Variants in GRIN2A observed in about 807,000 individuals in gnomAD.
The protein encoded by GRIN2A is glutamate ionotropic receptor NMDA type subunit 2A, also known as glutamate receptor ionotropic, NMDA 2A.
In GRIN2A, 22 loss-of-function variants were observed where a neutral mutation model predicts 113.4. The ratio of observed to expected loss-of-function variants is 0.19; its 90% confidence interval spans 0.14 to 0.28. The LOEUF is 0.28. GRIN2A is among the 10% of genes least tolerant of loss of function. The pLI, the probability that GRIN2A is intolerant of heterozygous loss-of-function variation, is 1.00. For synonymous variants in GRIN2A, 827 were observed against 738.4 expected, an observed-to-expected ratio of 1.12 and a Z score of -1.94; for missense variants, 1,502 against 1,887.0, an observed-to-expected ratio of 0.80 and a Z score of 3.78.
intron 2 of GRIN2A, among the ~76,000 whole-genome samples, chr16:9,954,207 T>C (rs955282981): frequency 6.6e-6 from 1 of 152,322 alleles, no homozygotes; most frequent in African/African-American, 2.4e-5. Flanking sequence ...GCTTGCGATA[T>C]ACCTTCAATG....
intron 5 of GRIN2A, among the ~76,000 whole-genome samples, chr16:9,842,951 AAGAGAGAG>A (rs57545330): frequency 6.9e-6 from 1 of 145,138 alleles, no homozygotes; most frequent in Non-Finnish European, 1.5e-5. Flanking sequence ...GAAAGAAAGA[AAGAGAGAG>A]AGAGAGAGAG....
intron 2 of GRIN2A, among the ~76,000 whole-genome samples, chr16:10,022,901 A>C (rs1596431306): frequency 6.6e-6 from 1 of 152,334 alleles, no homozygotes; most frequent in Non-Finnish European, 1.5e-5. Flanking sequence ...ACCACTAGAA[A>C]GTACTACACA....
At position 10,143,417 on chromosome 16, in the gene GRIN2A, T is replaced by C. The variant is rs1208439972; in HGVS notation, c.414+36581A>G. Among the ~76,000 whole-genome samples the C allele has an allele frequency of 2.0e-5, 3 of 152,186 alleles. No individual in the cohort carries two copies. In the East Asian group the frequency reaches 5.8e-4, roughly 29 times the overall value. ...AAATATAAATAGCATATCTGAACCA[T>C]AATTTCAAGCAAATTATTGCTTGAA... On this transcript the variant is annotated intron_variant, in intron 2 of 12. Coordinates refer to ENST00000330684, the MANE Select transcript of GRIN2A (RefSeq NM_001134407.3).
chr16:9,887,980 G>C lies in GRIN2A; in HGVS notation c.1122+3006C>G, dbSNP rs958668030. On this transcript the variant is annotated intron_variant, in intron 4 of 12. Coordinates refer to ENST00000330684, the MANE Select transcript of GRIN2A (RefSeq NM_001134407.3). ...GGCTGAGGTGGAGTCTCGTTCTCTC[G>C]CCCAGGCTGGAGTGCAGTAGCTCAA... Among the ~76,000 whole-genome samples the C allele has an allele frequency of 2.6e-5, 4 of 152,182 alleles. No homozygotes were observed. In the East Asian group the frequency reaches 7.7e-4, roughly 29 times the overall value.
intron 3 of GRIN2A, 72 bp downstream of exon 3, chr16:9,937,887 T>A: frequency 9.6e-7 from 1 of 1,037,990 alleles, no homozygotes; most frequent in Non-Finnish European, 1.5e-6. Context: ...CAACAATGAG[T>A]ATGTAAGCAA....
In GRIN2A at chr16:9,798,383, G is replaced by A. The variant is rs143779792; in HGVS notation, c.2250C>T (p.Ile750=). 60 of 1,613,774 alleles carry A rather than the reference G, an allele frequency of 3.7e-5. No individual in the cohort carries two copies. In the East Asian group the frequency reaches 1.0e-3, roughly 27 times the overall value. ...TGGTGGCAAAGATGTACCCACTCCC[G>A]ATGGTCACCAGCTTGCAGCCTTCAT... is the stretch of plus-strand genomic sequence containing the variant. ...GRDEGCKLVT[I]GSGYIFATTG... is the part of the protein sequence containing the mutation. The change falls in exon 11 of 13, where the codon ATC becomes ATT. Residue 750 remains isoleucine, a synonymous_variant. Transcript: ENST00000330684.
chr16:10,023,680 G>C (rs3848332), intron 2 of GRIN2A, among the ~76,000 whole-genome samples: 16,412 of 152,242 alleles, frequency 0.11, 984 homozygotes, highest in Middle Eastern at 0.14. Context: ...AAAGTTTTCA[G>C]TGCGTGTCGC....
At chr16:10,095,527 G>C (rs763600456) in intron 2 of GRIN2A, among the ~76,000 whole-genome samples, 1 of 152,186 alleles carries the variant, frequency 6.6e-6, no homozygotes, top group Non-Finnish European at 1.5e-5. Flanking sequence ...GATGGAGTTA[G>C]AAAACATCAA....
chr16:10,161,302 G>A (rs115126378), intron 2 of GRIN2A, among the ~76,000 whole-genome samples: 3,642 of 152,128 alleles, frequency 0.024, 169 homozygotes, highest in African/African-American at 0.08. Flanking sequence ...GTAAATTTCC[G>A]GAGGCCTCCC....
intron 2 of GRIN2A, among the ~76,000 whole-genome samples, chr16:10,081,455 A>G (rs2047981042): frequency 6.6e-6 from 1 of 152,224 alleles, no homozygotes; most frequent in African/African-American, 2.4e-5. Context: ...TTTATGAAAA[A>G]GTGTCTAGTG....
rs541206809 is a variant in GRIN2A at position 10,035,913 on chromosome 16, G to A, written c.415-97362C>T. On this transcript the variant is annotated intron_variant, in intron 2 of 12. Transcript: ENST00000330684. Reference sequence around the variant, plus strand: ...TAATTTTTGTATTTTTAGCAGAGACGGGGTTTCACCATGTTGGCCAGGCTG... The same window carrying A: ...TAATTTTTGTATTTTTAGCAGAGACAGGGTTTCACCATGTTGGCCAGGCTG... Among the ~76,000 whole-genome samples, 33 of 152,064 alleles carry A rather than the reference G, an allele frequency of 2.2e-4. No individual in the cohort carries two copies. The East Asian group carries it at 4.5e-3, about 21-fold the overall frequency.
At chr16:9,801,431 TCTC>T (rs1903354676) in intron 10 of GRIN2A, among the ~76,000 whole-genome samples, 2 of 152,126 alleles carry the variant, frequency 1.3e-5, no homozygotes, top group African/African-American at 4.8e-5. Flanking sequence ...GGTGAAACCT[TCTC>T]CTATCCTGCT....
chr16:9,912,547 G>A (rs2044165640), intron 3 of GRIN2A, among the ~76,000 whole-genome samples: 1 of 151,728 alleles, frequency 6.6e-6, no homozygotes, highest in Non-Finnish European at 1.5e-5. Flanking sequence ...AAGTGGTTAA[G>A]AACAGAAGCT....
chr16:9,936,920 G>C (rs73504609), intron 3 of GRIN2A, among the ~76,000 whole-genome samples: 2 of 152,120 alleles, frequency 1.3e-5, no homozygotes, highest in Non-Finnish European at 2.9e-5. Flanking sequence ...TTACTTTGCA[G>C]GACAATCTGG....
intron 2 of GRIN2A, among the ~76,000 whole-genome samples, chr16:10,154,810 C>T (rs1387365707): frequency 1.3e-5 from 2 of 152,014 alleles, no homozygotes; most frequent in African/African-American, 2.4e-5. Flanking sequence ...CAGACAAGTG[C>T]CAGAAAATGT....
In GRIN2A at chr16:9,938,138, G is replaced by C. The variant is rs752295285; in HGVS notation, c.828C>G (p.Leu276=). 2 of 1,614,158 alleles carry C rather than the reference G, an allele frequency of 1.2e-6. No homozygotes were observed. The highest frequency in any genetic ancestry group is 1.7e-6 in the Non-Finnish European group (2 of 1,180,016). ...CCCAGTCATCGTAGGAGACAGAAAT[G>C]AGTCCCGATGGAAACTCTTTTGGGA... is the stretch of plus-strand genomic sequence containing the variant. ...ELIPKEFPSG[L]ISVSYDDWDY... is the part of the protein sequence containing the mutation. Residue 276 remains leucine (L), a synonymous_variant, in exon 3 of 13, where the codon CTC becomes CTG. Coordinates refer to ENST00000330684, the MANE Select transcript of GRIN2A (RefSeq NM_001134407.3).
At chr16:9,992,774 G>A (rs1314250609) in intron 2 of GRIN2A, among the ~76,000 whole-genome samples, 5 of 152,200 alleles carry the variant, frequency 3.3e-5, no homozygotes, top group Admixed American at 3.3e-4. Context: ...ATCTGACACA[G>A]AGAGACAATA....
chr16:9,765,535 G>A (rs1900857485), intron 12 of GRIN2A, among the ~76,000 whole-genome samples: 1 of 152,172 alleles, frequency 6.6e-6, no homozygotes, highest in South Asian at 2.1e-4. Flanking sequence ...TGAAATTCAT[G>A]TGAGGCTCAT....
At chr16:9,832,034 T>C (rs927244249) in intron 8 of GRIN2A, among the ~76,000 whole-genome samples, 1 of 152,110 alleles carries the variant, frequency 6.6e-6, no homozygotes, top group African/African-American at 2.4e-5. Flanking sequence ...TTCTCCTACC[T>C]CAGCCTTCTG....
Sources: gnomAD v4.1 joint callset for allele counts (sites outside exome capture counted in the v4.1 genomes callset) on GRCh38, gnomAD v4.1.1 for gene constraint, MANE v1.5 for transcripts, NCBI Gene and HGNC (gene_info 2026-07-23, HGNC 2026-07-21) for gene names.